The following COL4A3 variants were observed in gnomAD, a reference collection of about 807,000 sequenced individuals.
COL4A3 encodes the protein collagen alpha-3(IV) chain.
A neutral mutation model predicts 217.4 loss-of-function variants in COL4A3; 135 were observed. The observed-to-expected ratio is 0.62, with a 90% confidence interval of 0.54 to 0.72. The LOEUF (loss-of-function observed/expected upper bound fraction) is 0.72, where lower values mean the gene tolerates loss of function less well. Among genes scored for constraint, COL4A3 ranks in the 30% least tolerant of loss-of-function variants. The pLI is 0.00. For synonymous variants in COL4A3, 690 were observed against 736.3 expected (o/e 0.94, Z 1.02); for missense variants, 1,868 against 2,119.9 (o/e 0.88, Z 2.33).
Position 227,311,797 on chromosome 2 carries a change from C to T in COL4A3, c.4940C>T (p.Pro1647Leu). ...TGTTTTTATTTCAGAAAGCCTATTC[C>T]ATCAACTGTGAAAGCTGGGGAATTA... is the stretch of plus-strand genomic sequence containing the variant. ...NPERMFRKPIPSTVKAGELEK... is the reference protein window; with the variant it reads ...NPERMFRKPILSTVKAGELEK... Residue 1647 changes from proline to leucine, a missense_variant, in exon 52 of 52, where the codon CCA (proline) becomes CTA (leucine). Pro to Leu is a moderately conservative substitution (Grantham distance 98). Transcript: ENST00000396578. 1.2e-6 allele frequency: 2 copies of T among 1,613,752 alleles called. No individual in the cohort carries two copies. Among genetic ancestry groups the T allele is most frequent in the South Asian group, 1.1e-5 (1 of 90,978 alleles).
intron 43 of COL4A3, among the ~76,000 whole-genome samples, chr2:227,300,776 T>C (rs1452356160): frequency 6.6e-6 from 1 of 152,164 alleles, no homozygotes; most frequent in African/African-American, 2.4e-5. Context: ...GGAAGGGTAT[T>C]TAATCCAGAC....
rs1032038018 is a variant in COL4A3 at position 227,191,037 on chromosome 2, A to T, written c.87+26224A>T. ...CTATTATGTATAGAATTTTTTAAAA[A>T]ATAGATGCAAAGGTTATTATATATG... On this transcript the variant is annotated intron_variant, in intron 1 of 51. Coordinates refer to ENST00000396578, the MANE Select transcript of COL4A3 (RefSeq NM_000091.5). This position sits in a 1 kb window ranked among gnomAD's most constrained non-coding sequence, Gnocchi z 6.8. Among the ~76,000 whole-genome samples, 12 of 152,170 alleles carry T rather than the reference A, an allele frequency of 7.9e-5. No homozygotes were observed. The highest frequency in any genetic ancestry group is 7.9e-4 in the Admixed American group (12 of 15,278).
intron 1 of COL4A3, among the ~76,000 whole-genome samples, chr2:227,194,910 C>A (rs2066410527): frequency 6.6e-6 from 1 of 152,056 alleles, no homozygotes; most frequent in Non-Finnish European, 1.5e-5. Flanking sequence ...TTTGCACCTG[C>A]CATGCTAATG....
Position 227,266,974 on chromosome 2 carries a change from T to C in COL4A3, c.1409-19T>C. The C allele has an allele frequency of 6.5e-7, 1 of 1,546,848 alleles. No individual in the cohort carries two copies. Among genetic ancestry groups the C allele is most frequent in the Non-Finnish European group, 8.9e-7 (1 of 1,119,010 alleles). ...CTCAATGTAGCTTTTTAAGTAATGC[T>C]AGTATGCTCTCATTGCAGGAGAACC... On this transcript the variant is annotated intron_variant, in intron 22 of 51. Coordinates refer to ENST00000396578, the MANE Select transcript of COL4A3 (RefSeq NM_000091.5).
intron 6 of COL4A3, 113 bp downstream of exon 6, chr2:227,246,129 C>A: frequency 1.2e-6 from 1 of 804,502 alleles, no homozygotes; most frequent in Non-Finnish European, 2.1e-6. Context: ...TCCTTTAGGC[C>A]AGAACCAACA....
chr2:227,258,073 C>G (rs576876529), intron 18 of COL4A3, among the ~76,000 whole-genome samples: 75 of 152,306 alleles, frequency 4.9e-4, no homozygotes, highest in African/African-American at 1.8e-3. Context: ...GGCAGTGCTC[C>G]CCTTCCCAGT....
chr2:227,174,356 G>A (rs181801670), intron 1 of COL4A3, among the ~76,000 whole-genome samples: 2 of 152,084 alleles, frequency 1.3e-5, no homozygotes, highest in South Asian at 2.1e-4. Flanking sequence ...CAGGTAAGAG[G>A]TTTAGTATTA....
At chr2:227,172,271 G>A (rs1177918219) in intron 1 of COL4A3, among the ~76,000 whole-genome samples, 2 of 152,156 alleles carry the variant, frequency 1.3e-5, no homozygotes, top group Admixed American at 6.5e-5. Context: ...TTCAATAACC[G>A]CCTGACCATC....
At chr2:227,258,219 A>G (rs1400191516) in intron 18 of COL4A3, among the ~76,000 whole-genome samples, 3 of 152,218 alleles carry the variant, frequency 2.0e-5, no homozygotes, top group African/African-American at 4.8e-5. Flanking sequence ...CTCAAAAAAC[A>G]GTGGTTCTCA....
chr2:227,244,436 A>C, intron 4 of COL4A3, 72 bp downstream of exon 4: 18 of 1,365,428 alleles, frequency 1.3e-5, no homozygotes, highest in Non-Finnish European at 1.9e-5. Context: ...TACAAATGTC[A>C]GAAAGGAGTA....
rs1440991683 is a variant in COL4A3, at chr2:227,250,386, A to AGATG, written c.547-754_547-753insGATG. Among the ~76,000 whole-genome samples the AGATG allele has an allele frequency of 4.6e-5, 7 of 151,172 alleles. No individual in the cohort carries two copies. The highest frequency in any genetic ancestry group is 8.9e-5 in the Non-Finnish European group (6 of 67,712). On this transcript the variant is annotated intron_variant, in intron 9 of 51. Transcript: ENST00000396578. The surrounding 1 kb of genome is among the most constrained non-coding windows in gnomAD (Gnocchi z 4.1). ...TAGATAGATAGATAGATAGATAGAT[A>AGATG]TTTAAAAATTGTATGAACCAGGCAT...
At position 227,246,002 on chromosome 2, in the gene COL4A3, T is replaced by G; in HGVS notation, c.373T>G (p.Cys125Gly). The stretch of plus-strand genomic sequence containing the variant: ...TTACGGACTTGTCGGTGTACCAGGA[T>G]GCAGTGGTTCTAAGGTAAGTACTTT... ...GPYGLVGVPG[C>G]SGSKGEQGFP... The change falls in exon 6 of 52, where the codon TGC (cysteine) becomes GGC (glycine). Residue 125 changes from cysteine (C) to glycine (G), a missense_variant. Around this residue, in one of 2 missense-constraint regions of COL4A3, gnomAD observed 365 missense variants for 333.8 expected, o/e 1.09. Coordinates refer to ENST00000396578, the MANE Select transcript of COL4A3 (RefSeq NM_000091.5). The G allele has an allele frequency of 6.2e-7, 1 of 1,613,528 alleles. No individual in the cohort carries two copies. The highest frequency in any genetic ancestry group is 8.5e-7 in the Non-Finnish European group (1 of 1,179,448).
At chr2:227,304,446 C>T (rs1574835018) in intron 46 of COL4A3, 3 of 351,966 alleles carry the variant, frequency 8.5e-6, no homozygotes, top group East Asian at 6.5e-5. Flanking sequence ...CTGTCAGTCT[C>T]GGGGCTCTAT....
intron 1 of COL4A3, among the ~76,000 whole-genome samples, chr2:227,208,803 CACATATAT>C (rs1401991140): frequency 7.6e-4 from 81 of 106,450 alleles, no homozygotes; most frequent in African/African-American, 2.8e-3. Flanking sequence ...CACACACACA[CACATATAT>C]ACAGAAGGAG....
intron 41 of COL4A3, among the ~76,000 whole-genome samples, chr2:227,295,853 T>C (rs1344659515): frequency 6.6e-6 from 1 of 152,214 alleles, no homozygotes; most frequent in African/African-American, 2.4e-5. Context: ...AGTTTTTTGT[T>C]TGGCAGGCCA....
At chr2:227,201,249 C>G (rs1382730110) in intron 1 of COL4A3, among the ~76,000 whole-genome samples, 1 of 152,040 alleles carries the variant, frequency 6.6e-6, no homozygotes, top group African/African-American at 2.4e-5. Flanking sequence ...GTCTTATTTA[C>G]AAGTTCATGA....
Position 227,245,981 on chromosome 2 carries a change from G to A in COL4A3, c.352G>A (p.Gly118Arg), listed in dbSNP as rs1293137291. The A allele has an allele frequency of 1.5e-5, 24 of 1,613,792 alleles. No homozygotes were observed. The highest frequency in any genetic ancestry group is 2.0e-5 in the Non-Finnish European group (24 of 1,179,834). The change falls in exon 6 of 52, where the codon GGA (glycine) becomes AGA (arginine). Residue 118 changes from glycine (G) to arginine (R), a missense_variant. Physicochemically the swap from Gly to Arg is moderately radical, Grantham distance 125 (BLOSUM62 -2). Coordinates refer to ENST00000396578, the MANE Select transcript of COL4A3 (RefSeq NM_000091.5). Reference sequence around the variant, plus strand: ...CACCCCAGGCAATACCGGGCCTTACGGACTTGTCGGTGTACCAGGATGCAG... The same window carrying A: ...CACCCCAGGCAATACCGGGCCTTACAGACTTGTCGGTGTACCAGGATGCAG... ...PGTPGNTGPY[G>R]LVGVPGCSGS...
chr2:227,169,671 T>G, intron 1 of COL4A3, among the ~76,000 whole-genome samples: 1 of 152,214 alleles, frequency 6.6e-6, no homozygotes. Flanking sequence ...ATGTGTTTTT[T>G]GGCTGCAAAA....
At chr2:227,220,216 A>T (rs200552545) in intron 1 of COL4A3, among the ~76,000 whole-genome samples, 6 of 122,876 alleles carry the variant, frequency 4.9e-5, no homozygotes, top group Admixed American at 1.8e-4. Context: ...ACAGAGTCTC[A>T]CTGTCACCCA....
Sources: gnomAD v4.1 joint callset for allele counts (sites outside exome capture counted in the v4.1 genomes callset) on GRCh38, gnomAD v4.1.1 for gene constraint, gnomAD v4.1.1 regional missense constraint, Gnocchi (gnomAD v3.1) non-coding constraint, MANE v1.5 for transcripts, NCBI Gene and HGNC (gene_info 2026-07-23, HGNC 2026-07-21) for gene names.